HS6ST3: variants seen among roughly 807,000 people sequenced by gnomAD.
HS6ST3 encodes the protein heparan sulfate 6-O-sulfotransferase 3.
HS6ST3 carries 12 observed loss-of-function variants against 36.7 expected under a neutral mutation model. The ratio of observed to expected loss-of-function variants is 0.33; its 90% CI spans 0.21 to 0.53. HS6ST3 has a LOEUF of 0.53. Among genes scored for constraint, HS6ST3 ranks in the 20% least tolerant of loss-of-function variants. The pLI is 0.95. For synonymous variants in HS6ST3, 240 were observed against 257.5 expected, an observed-to-expected ratio of 0.93 and a Z score of 0.65; for missense variants, 584 against 640.9, an observed-to-expected ratio of 0.91 and a Z score of 0.96.
intron 1 of HS6ST3, among the ~76,000 whole-genome samples, chr13:96,785,743 G>C (rs184691412): frequency 2.0e-5 from 3 of 152,128 alleles, no homozygotes; most frequent in Non-Finnish European, 4.4e-5. Flanking sequence ...AAGAGGCAAA[G>C]AGATACATGA....
chr13:96,528,134 A>G (rs1194540698), intron 1 of HS6ST3, among the ~76,000 whole-genome samples: 1 of 152,226 alleles, frequency 6.6e-6, no homozygotes, highest in Admixed American at 6.5e-5. Flanking sequence ...TGAGAAGTAC[A>G]TGCTAAATAC....
intron 1 of HS6ST3, among the ~76,000 whole-genome samples, chr13:96,318,942 GTCCT>G (rs1394191496): frequency 6.6e-6 from 1 of 152,102 alleles, no homozygotes; most frequent in African/African-American, 2.4e-5. Context: ...CTTAATATCT[GTCCT>G]TAGCTTAAAA....
At chr13:96,811,946 A>G (rs950933591) in intron 1 of HS6ST3, among the ~76,000 whole-genome samples, 3 of 152,144 alleles carry the variant, frequency 2.0e-5, no homozygotes, top group Non-Finnish European at 4.4e-5. Flanking sequence ...TTAGGGTGTG[A>G]GGCAGGGGTG....
intron 1 of HS6ST3, among the ~76,000 whole-genome samples, chr13:96,661,485 T>A (rs1268452744): frequency 6.6e-6 from 1 of 152,164 alleles, no homozygotes; most frequent in Non-Finnish European, 1.5e-5. Context: ...AGTCTGTGAA[T>A]GTCTTTACCC....
intron 1 of HS6ST3, among the ~76,000 whole-genome samples, chr13:96,581,142 A>G (rs2056340455): frequency 6.6e-6 from 1 of 152,214 alleles, no homozygotes; most frequent in African/African-American, 2.4e-5. Flanking sequence ...ATACCATTTG[A>G]AAAAGGAATA....
intron 1 of HS6ST3, among the ~76,000 whole-genome samples, chr13:96,599,763 C>G (rs1467096286): frequency 6.6e-6 from 1 of 151,956 alleles, no homozygotes; most frequent in East Asian, 1.9e-4. Context: ...TTTGATGAAG[C>G]ATTAGCATTA....
chr13:96,501,134 C>T (rs539962624), intron 1 of HS6ST3, among the ~76,000 whole-genome samples: 1 of 152,236 alleles, frequency 6.6e-6, no homozygotes, highest in African/African-American at 2.4e-5. Context: ...AGAGAAAGAT[C>T]TTACAACCCA....
intron 1 of HS6ST3, among the ~76,000 whole-genome samples, chr13:96,276,378 G>T (rs2054748583): frequency 6.6e-6 from 1 of 152,056 alleles, no homozygotes; most frequent in Non-Finnish European, 1.5e-5. Context: ...CTTTCCTTTT[G>T]ACTTTGACCT....
At chr13:96,237,908 G>A (rs2054542128) in intron 1 of HS6ST3, among the ~76,000 whole-genome samples, 1 of 152,124 alleles carries the variant, frequency 6.6e-6, no homozygotes, top group Non-Finnish European at 1.5e-5. Context: ...AAATGTTGGT[G>A]TTTCTGTCAG....
In HS6ST3 at chr13:96,821,794, CA is replaced by C. The variant is rs1278205788; in HGVS notation, c.708-10690del. On this transcript the variant is annotated intron_variant, in intron 1 of 1. Coordinates refer to ENST00000376705, the MANE Select transcript of HS6ST3 (RefSeq NM_153456.4). The stretch of plus-strand genomic sequence containing the variant: ...TACCCAGTCCTGATAGCAGAGTGAA[CA>C]AAAAATCCTAAAACAGAAGTATCCT... Among the ~76,000 whole-genome samples, 7 of 152,142 alleles carry C rather than the reference CA, an allele frequency of 4.6e-5. 1 individual carries two copies. In the South Asian group the frequency reaches 1.5e-3, roughly 32 times the overall value.
chr13:96,803,083 C>T (rs1305074840), intron 1 of HS6ST3, among the ~76,000 whole-genome samples: 1 of 152,092 alleles, frequency 6.6e-6, no homozygotes, highest in Admixed American at 6.6e-5. Flanking sequence ...TGATGAATTC[C>T]AATCTTTTCC....
chr13:96,573,528 T>C (rs1438750497), intron 1 of HS6ST3: 1 of 177,464 alleles, frequency 5.6e-6, no homozygotes, highest in East Asian at 1.9e-4. Context: ...ATTTCAGAAA[T>C]AAAATAGCTC....
At chr13:96,309,030 T>C (rs1387600206) in intron 1 of HS6ST3, among the ~76,000 whole-genome samples, 1 of 152,126 alleles carries the variant, frequency 6.6e-6, no homozygotes, top group South Asian at 2.1e-4. Context: ...GGAAAAACAA[T>C]TTTAAATATT....
intron 1 of HS6ST3, among the ~76,000 whole-genome samples, chr13:96,765,414 G>A (rs1266530647): frequency 6.6e-6 from 1 of 152,156 alleles, no homozygotes; most frequent in Non-Finnish European, 1.5e-5. Flanking sequence ...CACATTGTCT[G>A]TGTCACCTTT....
At chr13:96,172,397 GC>G (rs1250108073) in intron 1 of HS6ST3, among the ~76,000 whole-genome samples, 1 of 152,170 alleles carries the variant, frequency 6.6e-6, no homozygotes, top group Non-Finnish European at 1.5e-5. Flanking sequence ...AAATTAAAAA[GC>G]CCTGTGAGTT....
At chr13:96,504,436 A>G (rs1227006615) in intron 1 of HS6ST3, among the ~76,000 whole-genome samples, 1 of 152,176 alleles carries the variant, frequency 6.6e-6, no homozygotes, top group Non-Finnish European at 1.5e-5. Context: ...GGTGTTAGCA[A>G]CTGCTTAGCA....
At chr13:96,318,279 C>T (rs1438441306) in intron 1 of HS6ST3, among the ~76,000 whole-genome samples, 1 of 152,168 alleles carries the variant, frequency 6.6e-6, no homozygotes, top group Non-Finnish European at 1.5e-5. Context: ...TGCCTGTAAT[C>T]CCAGCACTTT....
intron 1 of HS6ST3, among the ~76,000 whole-genome samples, chr13:96,645,726 G>A (rs2139009361): frequency 6.6e-6 from 1 of 151,898 alleles, no homozygotes; most frequent in South Asian, 2.1e-4. Context: ...AGGAATGATG[G>A]CTCATCTTAA....
chr13:96,163,791 G>C (rs2054148564), intron 1 of HS6ST3, among the ~76,000 whole-genome samples: 1 of 152,104 alleles, frequency 6.6e-6, no homozygotes, highest in South Asian at 2.1e-4. Flanking sequence ...ATTCTGTTGT[G>C]GTAAATTCTT....
Sources: gnomAD v4.1 joint callset for allele counts (sites outside exome capture counted in the v4.1 genomes callset) on GRCh38, gnomAD v4.1.1 for gene constraint, MANE v1.5 for transcripts, NCBI Gene and HGNC (gene_info 2026-07-23, HGNC 2026-07-21) for gene names.